The following USP46 variants were observed in gnomAD, a reference collection of about 807,000 sequenced individuals.
USP46 encodes ubiquitin specific peptidase 46.
A neutral mutation model predicts 44.4 loss-of-function variants in USP46; 12 were observed. The observed-to-expected ratio is 0.27, with a 90% CI of 0.17 to 0.44. The LOEUF is 0.44. Ranked by LOEUF, USP46 falls within the 20% of genes least tolerant of loss-of-function variation. The probability of loss-of-function intolerance (pLI) is 1.00; values close to 1 mark genes in which losing one functional copy is unlikely to be tolerated. For missense variants in USP46, 248 were observed against 444.8 expected, an observed-to-expected ratio of 0.56 and a Z score of 3.98; for synonymous variants, 155 against 161.5, an observed-to-expected ratio of 0.96 and a Z score of 0.31.
intron 1 of USP46, among the ~76,000 whole-genome samples, chr4:52,656,871 C>T (rs147543152): frequency 1.3e-5 from 2 of 151,664 alleles, no homozygotes; most frequent in African/African-American, 4.8e-5. Context: ...GAGACCCAGT[C>T]TCTATGGAAA....
rs112187422 is a variant in USP46, at chr4:52,609,289, A to G, written c.638+1252T>C. Among the ~76,000 whole-genome samples, 1,512 of 152,360 alleles carry G rather than the reference A, an allele frequency of 9.9e-3. 11 individuals are homozygous for G. The highest frequency in any genetic ancestry group is 0.016 in the Non-Finnish European group (1,076 of 68,034). Reference sequence around the variant, plus strand: ...TCTTAGATTCAAATCCCAACATTTTAGCTTAACTTTTTATTTTTTAAAGTT... The same window carrying G: ...TCTTAGATTCAAATCCCAACATTTTGGCTTAACTTTTTATTTTTTAAAGTT... On this transcript the variant is annotated intron_variant, in intron 5 of 8. Transcript: ENST00000441222.
At chr4:52,648,992 G>T (rs955511449) in intron 1 of USP46, among the ~76,000 whole-genome samples, 1 of 152,198 alleles carries the variant, frequency 6.6e-6, no homozygotes, top group Non-Finnish European at 1.5e-5. Context: ...GATTAGAAGA[G>T]TCCTGTGGGC....
At chr4:52,638,246 G>A (rs961395888) in intron 1 of USP46, among the ~76,000 whole-genome samples, 13 of 152,190 alleles carry the variant, frequency 8.5e-5, no homozygotes, top group African/African-American at 3.1e-4. Context: ...GACAACAGAT[G>A]TAGAGGTCAG....
rs1716200322 is a variant in USP46, at chr4:52,595,594, T to C, written c.*2046A>G. 6.6e-6 allele frequency: 1 copy of C among 152,230 alleles called. No homozygotes were observed. The highest frequency in any genetic ancestry group is 1.5e-5 in the Non-Finnish European group (1 of 68,022). 9.4% of individuals were successfully genotyped at this position (152,230 alleles called of 1,614,324 possible). A position where few individuals can be genotyped will look rare whatever the true frequency, so the allele number is the denominator to read the frequency against. On this transcript the variant is annotated 3_prime_UTR_variant, in exon 9 of 9. Coordinates refer to ENST00000441222, the MANE Select transcript of USP46 (RefSeq NM_022832.4). ...GGGAAAAACATTTTGCACAACCAAA[T>C]AGAAAAGAAATATCCTGAACTTATG... is the stretch of plus-strand genomic sequence containing the variant.
rs542724208 is a variant in USP46 at position 52,600,613 on chromosome 4, G to A, written c.920+1244C>T. Among the ~76,000 whole-genome samples, 6 of 147,060 alleles carry A rather than the reference G, an allele frequency of 4.1e-5. No homozygotes were observed. The South Asian group carries it at 1.3e-3, about 32-fold the overall frequency. ...CCTGTGTCTCTGCCAGTCCTCCCAAGGATTTGAATTGGGCACCCACAGAGA... is the reference window on the plus strand; with the variant it reads ...CCTGTGTCTCTGCCAGTCCTCCCAAAGATTTGAATTGGGCACCCACAGAGA... On this transcript the variant is annotated intron_variant, in intron 7 of 8. Coordinates refer to ENST00000441222, the MANE Select transcript of USP46 (RefSeq NM_022832.4).
At chr4:52,622,046 A>G (rs1169161738) in intron 4 of USP46, among the ~76,000 whole-genome samples, 1 of 152,234 alleles carries the variant, frequency 6.6e-6, no homozygotes, top group African/African-American at 2.4e-5. Context: ...AAAAGCCATA[A>G]ACATGCAGAA....
At chr4:52,631,563 C>T (rs1560405062) in intron 1 of USP46, among the ~76,000 whole-genome samples, 1 of 152,144 alleles carries the variant, frequency 6.6e-6, no homozygotes, top group African/African-American at 2.4e-5. Flanking sequence ...TTACTGAGCA[C>T]CCACTAAGCC....
intron 1 of USP46, chr4:52,656,222 G>A: frequency 1.0e-5 from 15 of 1,477,682 alleles, no homozygotes; most frequent in Middle Eastern, 2.1e-4. Context: ...TGGGACCAAA[G>A]TTAGGAGCGG....
chr4:52,625,927 T>A (rs893803000), intron 4 of USP46, 91 bp downstream of exon 4: 1 of 1,250,288 alleles, frequency 8.0e-7, no homozygotes, highest in African/African-American at 1.5e-5. Context: ...AAATAACTGC[T>A]AAATGCTATA....
At chr4:52,653,495 CAAAAAAA>C (rs397880678) in intron 1 of USP46, among the ~76,000 whole-genome samples, 41 of 53,014 alleles carry the variant, frequency 7.7e-4, no homozygotes, top group Admixed American at 3.0e-3. Context: ...AACTCTATCT[CAAAAAAA>C]AAAAAAAAAA....
intron 1 of USP46, chr4:52,655,385 G>A (rs1437953726): frequency 3.3e-5 from 5 of 152,190 alleles, no homozygotes; most frequent in East Asian, 1.9e-4. Context: ...AACAAAACTC[G>A]TAATCATTTG....
intron 2 of USP46, chr4:52,628,384 C>T (rs572012176): frequency 2.0e-5 from 10 of 504,984 alleles, no homozygotes; most frequent in Non-Finnish European, 2.8e-5. Context: ...TCCGGTGCTT[C>T]TCTAGCCCAT....
chr4:52,628,485 A>G (rs988863861), intron 2 of USP46: 5 of 228,188 alleles, frequency 2.2e-5, no homozygotes, highest in East Asian at 8.8e-5. Flanking sequence ...AGAGAAGGGG[A>G]AAAAAATCTA....
intron 4 of USP46, among the ~76,000 whole-genome samples, chr4:52,619,150 C>T (rs969385104): frequency 3.3e-5 from 5 of 152,148 alleles, no homozygotes; most frequent in African/African-American, 1.2e-4. Flanking sequence ...TCTGAAGTGC[C>T]TTTATCAAGG....
rs1716083202 is a variant in USP46 at position 52,592,959 on chromosome 4, C to CT, written c.*4680dup. ...CTGCTGATTGTAAGTTTCCTGAGGC[C>CT]TCCCCCAGAACAGAAGCCTGTACAG... On this transcript the variant is annotated 3_prime_UTR_variant, in exon 9 of 9. Coordinates refer to ENST00000441222, the MANE Select transcript of USP46 (RefSeq NM_022832.4). 7.5e-6 allele frequency: 3 copies of CT among 398,568 alleles called. No individual in the cohort carries two copies. The Admixed American group carries it at 1.3e-4, about 18-fold the overall frequency. The allele number at this position is 398,568 out of a possible 1,614,324, so 24.7% of individuals were successfully genotyped here.
At chr4:52,636,143 AG>A (rs920523116) in intron 1 of USP46, among the ~76,000 whole-genome samples, 3 of 152,184 alleles carry the variant, frequency 2.0e-5, no homozygotes, top group African/African-American at 7.2e-5. Context: ...GTCAATCACA[AG>A]GGTCCTTCCA....
chr4:52,644,796 G>A (rs1718482682), intron 1 of USP46, among the ~76,000 whole-genome samples: 1 of 149,806 alleles, frequency 6.7e-6, no homozygotes, highest in Non-Finnish European at 1.5e-5. Context: ...AGTGGCTCAC[G>A]CCTGTAATCC....
intron 1 of USP46, among the ~76,000 whole-genome samples, chr4:52,654,207 T>A (rs1196663098): frequency 1.3e-5 from 2 of 152,204 alleles, no homozygotes; most frequent in African/African-American, 4.8e-5. Flanking sequence ...CCTCAGACTG[T>A]ATTTTCTAAT....
chr4:52,638,888 C>T (rs1156878904), intron 1 of USP46, among the ~76,000 whole-genome samples: 1 of 152,034 alleles, frequency 6.6e-6, no homozygotes, highest in Non-Finnish European at 1.5e-5. Flanking sequence ...TTCAGTGAGG[C>T]ATAAGCGGTA....
Sources: gnomAD v4.1 joint callset for allele counts (sites outside exome capture counted in the v4.1 genomes callset) on GRCh38, gnomAD v4.1.1 for gene constraint, MANE v1.5 for transcripts, NCBI Gene and HGNC (gene_info 2026-07-23, HGNC 2026-07-21) for gene names.